The following RNGTT variants were observed in gnomAD, a reference collection of about 807,000 sequenced individuals.
RNGTT encodes the protein mRNA-capping enzyme.
Under a neutral mutation model 79.3 loss-of-function variants are expected in RNGTT, and 33 were observed. The observed-to-expected ratio is 0.42, with a 90% CI of 0.32 to 0.56. The LOEUF (loss-of-function observed/expected upper bound fraction) is 0.56. Among genes scored for constraint, RNGTT ranks in the 20% least tolerant of loss-of-function variants. The pLI is 0.17. For synonymous variants in RNGTT, 222 were observed against 235.9 expected, an observed-to-expected ratio of 0.94 and a Z score of 0.54; for missense variants, 497 against 739.1, an observed-to-expected ratio of 0.67 and a Z score of 3.80.
At chr6:88,823,344 G>A (rs1780555128) in intron 11 of RNGTT, among the ~76,000 whole-genome samples, 2 of 152,066 alleles carry the variant, frequency 1.3e-5, no homozygotes, top group Admixed American at 1.3e-4. Context: ...GCTGAGACAG[G>A]AGAATCTCTT....
chr6:88,854,104 T>C (rs1182252334), intron 8 of RNGTT, among the ~76,000 whole-genome samples: 1 of 149,398 alleles, frequency 6.7e-6, no homozygotes, highest in Admixed American at 6.7e-5. Context: ...TGTTTGTTTT[T>C]TCTTTCTTTT....
At chr6:88,806,748 T>C (rs1381814401) in intron 11 of RNGTT, among the ~76,000 whole-genome samples, 1 of 152,198 alleles carries the variant, frequency 6.6e-6, no homozygotes, top group African/African-American at 2.4e-5. Flanking sequence ...ACTGGGTATA[T>C]ACCCAAGGAA....
chr6:88,666,507 C>T (rs186530786), intron 14 of RNGTT, among the ~76,000 whole-genome samples: 55 of 152,316 alleles, frequency 3.6e-4, no homozygotes, highest in Middle Eastern at 3.4e-3. Context: ...CTGACAAATG[C>T]CAGACTAACC....
At chr6:88,665,844 C>G (rs772706173) in intron 14 of RNGTT, among the ~76,000 whole-genome samples, 1 of 152,186 alleles carries the variant, frequency 6.6e-6, no homozygotes, top group South Asian at 2.1e-4. Flanking sequence ...CAGTCGGGTG[C>G]GTCAAAGGAA....
intron 1 of RNGTT, among the ~76,000 whole-genome samples, chr6:88,955,116 G>A (rs1785383584): frequency 6.6e-6 from 1 of 151,986 alleles, no homozygotes; most frequent in Admixed American, 6.6e-5. Flanking sequence ...TAAAATTTCT[G>A]CTCTTGAATA....
rs59654511 is a variant in RNGTT at position 88,801,651 on chromosome 6, T to C, written c.1270-19A>G. 20 of 1,506,490 alleles carry C rather than the reference T, an allele frequency of 1.3e-5. No individual in the cohort carries two copies. Among genetic ancestry groups the C allele is most frequent in the Non-Finnish European group, 1.6e-5 (17 of 1,083,618 alleles). The allele number at this position is 1,506,490 out of a possible 1,614,324, so 93.3% of individuals were successfully genotyped here. ...CAAGTAGCTATAAAATAAATACACA[T>C]GTATTCTTTAAAAATATAATAATCA... is the stretch of plus-strand genomic sequence containing the variant. On this transcript the variant is annotated intron_variant, in intron 11 of 15. Transcript: ENST00000369485.
At chr6:88,626,002 T>C (rs771669421) in intron 14 of RNGTT, among the ~76,000 whole-genome samples, 2 of 152,004 alleles carry the variant, frequency 1.3e-5, no homozygotes, top group Non-Finnish European at 2.9e-5. Context: ...TGTAGAGTAC[T>C]GTTCTAAGGG....
intron 14 of RNGTT, among the ~76,000 whole-genome samples, chr6:88,653,416 A>G (rs1216310807): frequency 6.6e-6 from 1 of 152,198 alleles, no homozygotes; most frequent in African/African-American, 2.4e-5. Flanking sequence ...AGTCATCGAA[A>G]TTTCCAGCTA....
At chr6:88,761,620 T>C (rs1778260268) in intron 13 of RNGTT, among the ~76,000 whole-genome samples, 1 of 152,194 alleles carries the variant, frequency 6.6e-6, no homozygotes, top group African/African-American at 2.4e-5. Flanking sequence ...TGGCAAACTA[T>C]AGTCTACAGG....
Position 88,760,528 on chromosome 6 carries a change from A to T in RNGTT, c.1439+9246T>A, listed in dbSNP as rs1031861352. The stretch of plus-strand genomic sequence containing the variant: ...GTTACTATGGGTCATTTGCTAAATA[A>T]TAAAAATAGCTATATTATACATAAA... On this transcript the variant is annotated intron_variant, in intron 13 of 15. Coordinates refer to ENST00000369485, the MANE Select transcript of RNGTT (RefSeq NM_003800.5). 3.3e-5 allele frequency among the ~76,000 whole-genome samples: 5 copies of T among 152,228 alleles called. No homozygotes were observed. In the East Asian group the frequency reaches 7.7e-4, roughly 23 times the overall value.
intron 8 of RNGTT, among the ~76,000 whole-genome samples, chr6:88,855,665 G>T (rs1260766167): frequency 1.3e-5 from 2 of 152,114 alleles, no homozygotes; most frequent in Non-Finnish European, 2.9e-5. Flanking sequence ...TAGTAGATGG[G>T]GAGTGTGGGG....
At chr6:88,829,118 TG>T (rs1780763940) in intron 11 of RNGTT, among the ~76,000 whole-genome samples, 2 of 151,660 alleles carry the variant, frequency 1.3e-5, no homozygotes, top group Non-Finnish European at 2.9e-5. Context: ...AAGGAAAAAA[TG>T]TTAAGGGCAG....
chr6:88,815,081 T>C (rs1317442550), intron 11 of RNGTT, among the ~76,000 whole-genome samples: 1 of 152,164 alleles, frequency 6.6e-6, no homozygotes, highest in African/African-American at 2.4e-5. Context: ...CTTCCTGGAA[T>C]ACCCTGTCAG....
chr6:88,718,387 A>AG (rs199859286), intron 13 of RNGTT, among the ~76,000 whole-genome samples: 35 of 135,298 alleles, frequency 2.6e-4, no homozygotes, highest in South Asian at 1.6e-3. Flanking sequence ...ACTGTCTCTC[A>AG]AAAAAAAAAA....
chr6:88,649,289 T>C (rs1199685029), intron 14 of RNGTT, among the ~76,000 whole-genome samples: 2 of 152,122 alleles, frequency 1.3e-5, no homozygotes, highest in Non-Finnish European at 2.9e-5. Flanking sequence ...AAGTGGGTGT[T>C]AGGTAAAATA....
chr6:88,954,891 A>C (rs1785375296), intron 1 of RNGTT, among the ~76,000 whole-genome samples: 1 of 151,768 alleles, frequency 6.6e-6, no homozygotes, highest in African/African-American at 2.4e-5. Flanking sequence ...AAAAATACAA[A>C]AATTAGCCAG....
At chr6:88,759,074 C>G (rs148861566) in intron 13 of RNGTT, among the ~76,000 whole-genome samples, 64 of 152,316 alleles carry the variant, frequency 4.2e-4, no homozygotes, top group Non-Finnish European at 8.8e-4. Flanking sequence ...TACCAATCAG[C>G]ATTCTGCTAA....
At chr6:88,741,669 T>C (rs182839174) in intron 13 of RNGTT, among the ~76,000 whole-genome samples, 3 of 152,318 alleles carry the variant, frequency 2.0e-5, no homozygotes, top group East Asian at 3.9e-4. Flanking sequence ...TGAAAGATGA[T>C]GTGACATCAC....
intron 4 of RNGTT, among the ~76,000 whole-genome samples, chr6:88,922,168 T>C (rs1257605813): frequency 1.3e-5 from 2 of 152,044 alleles, no homozygotes; most frequent in African/African-American, 4.8e-5. Context: ...AGCTCCCAAG[T>C]AGCTGGGACT....
Sources: allele counts gnomAD v4.1 joint callset (sites outside exome capture counted in the v4.1 genomes callset), GRCh38; gene constraint gnomAD v4.1.1; transcripts MANE v1.5; gene names NCBI Gene and HGNC (gene_info 2026-07-23, HGNC 2026-07-21).